ACVR1B: variants seen among roughly 807,000 people sequenced by gnomAD.
ACVR1B encodes the protein activin A receptor type 1B, also known as activin receptor type-1B.
A neutral mutation model predicts 55.6 loss-of-function variants in ACVR1B; 15 were observed. The ratio of observed to expected loss-of-function variants is 0.27; its 90% CI spans 0.18 to 0.42. The LOEUF (loss-of-function observed/expected upper bound fraction) is 0.42. ACVR1B is among the 10% of genes least tolerant of loss of function. The pLI is 1.00. For synonymous variants in ACVR1B, 247 were observed against 254.6 expected (o/e 0.97, Z 0.28); for missense variants, 359 against 670.1 (o/e 0.54, Z 5.13).
chr12:51,995,100 G>T lies in ACVR1B; in HGVS notation c.*990G>T, dbSNP rs1942275868. 1 of 153,220 alleles carries T rather than the reference G, an allele frequency of 6.5e-6. No homozygotes were observed. The highest frequency in any genetic ancestry group is 6.5e-5 in the Admixed American group (1 of 15,294). The allele number at this position is 153,220 out of a possible 1,614,324, so 9.5% of individuals were successfully genotyped here. A position where few individuals can be genotyped will look rare whatever the true frequency, so the allele number is the denominator to read the frequency against. On this transcript the variant is annotated 3_prime_UTR_variant, in exon 9 of 9. Transcript: ENST00000257963. ...CCTGGTGGAAGTCTTGGGTGTTAGTGTCAGCCATGGGAAATGAGCCAGCCC... is the reference window on the plus strand; with the variant it reads ...CCTGGTGGAAGTCTTGGGTGTTAGTTTCAGCCATGGGAAATGAGCCAGCCC...
chr12:51,991,407 A>G (rs1332971407), intron 7 of ACVR1B, among the ~76,000 whole-genome samples: 1 of 151,406 alleles, frequency 6.6e-6, no homozygotes, highest in African/African-American at 2.4e-5. Context: ...CTTTTTGTTT[A>G]GTTGTTTTGT....
rs1296363750 is a variant in ACVR1B, at chr12:51,994,185, G to C, written c.*75G>C. ...CTGCCGCGTTGAGCGTACGATGGAGGCCTACCTCTCGTTTCTGCCCAGCCC... is the reference window on the plus strand; with the variant it reads ...CTGCCGCGTTGAGCGTACGATGGAGCCCTACCTCTCGTTTCTGCCCAGCCC... On this transcript the variant is annotated 3_prime_UTR_variant, in exon 9 of 9. Coordinates refer to ENST00000257963, the MANE Select transcript of ACVR1B (RefSeq NM_004302.5). This position sits in a 1 kb window ranked among gnomAD's most constrained non-coding sequence, Gnocchi z 4.2. The C allele has an allele frequency of 6.4e-7, 1 of 1,571,452 alleles. No homozygotes were observed. Among genetic ancestry groups the C allele is most frequent in the Non-Finnish European group, 8.6e-7 (1 of 1,162,138 alleles).
At chr12:51,980,145 GCCTTA>G (rs1941948526) in intron 3 of ACVR1B, among the ~76,000 whole-genome samples, 1 of 152,078 alleles carries the variant, frequency 6.6e-6, no homozygotes, top group African/African-American at 2.4e-5. Flanking sequence ...TGATAACAGC[GCCTTA>G]CCTTCCAGGT....
At chr12:51,988,454 G>A (rs769770267) in intron 7 of ACVR1B, among the ~76,000 whole-genome samples, 8 of 152,200 alleles carry the variant, frequency 5.3e-5, no homozygotes, top group Non-Finnish European at 1.2e-4. Context: ...GCGACAGAGC[G>A]AGACTCCATC....
intron 1 of ACVR1B, among the ~76,000 whole-genome samples, chr12:51,972,360 A>G (rs893549202): frequency 6.6e-6 from 1 of 152,232 alleles, no homozygotes; most frequent in Non-Finnish European, 1.5e-5. Context: ...TGGTAGTCCC[A>G]TAAGATTATA....
At position 51,995,232 on chromosome 12, in the gene ACVR1B, A is replaced by G. The variant is rs1180146695; in HGVS notation, c.*1122A>G. ...CTGTCTTTCATCTCCCAGATCCTGG[A>G]AACAGCAGTGTATATTTTTGGTGGT... On this transcript the variant is annotated 3_prime_UTR_variant, in exon 9 of 9. Coordinates refer to ENST00000257963, the MANE Select transcript of ACVR1B (RefSeq NM_004302.5). 1 of 152,102 alleles carries G rather than the reference A, an allele frequency of 6.6e-6. No individual in the cohort carries two copies. Among genetic ancestry groups the G allele is most frequent in the Non-Finnish European group, 1.5e-5 (1 of 67,974 alleles). 9.4% of individuals were successfully genotyped at this position (152,102 alleles called of 1,614,324 possible).
chr12:51,965,126 T>C (rs1941615481), intron 1 of ACVR1B, among the ~76,000 whole-genome samples: 1 of 152,196 alleles, frequency 6.6e-6, no homozygotes, highest in Non-Finnish European at 1.5e-5. Flanking sequence ...GTTCTCAGTT[T>C]TTCAGTATCA....
At chr12:51,957,959 T>C (rs114284225) in intron 1 of ACVR1B, among the ~76,000 whole-genome samples, 2,964 of 152,258 alleles carry the variant, frequency 0.019, 102 homozygotes, top group African/African-American at 0.068. Flanking sequence ...AAGGATAACT[T>C]GTTTACAGTA....
At chr12:51,952,305 T>G (rs776625373) in intron 1 of ACVR1B, among the ~76,000 whole-genome samples, 11 of 152,128 alleles carry the variant, frequency 7.2e-5, no homozygotes, top group Non-Finnish European at 1.5e-4. Context: ...GGGAACCTGA[T>G]GTTGAGAGTC....
chr12:51,978,395 A>G (rs1941909557), intron 3 of ACVR1B, among the ~76,000 whole-genome samples: 1 of 152,218 alleles, frequency 6.6e-6, no homozygotes, highest in Admixed American at 6.5e-5. Context: ...CATTCAGAAT[A>G]TGCAGAGCTT....
At chr12:51,968,379 T>C (rs1941681465) in intron 1 of ACVR1B, among the ~76,000 whole-genome samples, 1 of 152,274 alleles carries the variant, frequency 6.6e-6, no homozygotes, top group African/African-American at 2.4e-5. Flanking sequence ...AATAGTTGGC[T>C]TGTAATAAAT....
At chr12:51,989,837 T>A (rs1480157108) in intron 7 of ACVR1B, among the ~76,000 whole-genome samples, 1 of 151,596 alleles carries the variant, frequency 6.6e-6, no homozygotes, top group Non-Finnish European at 1.5e-5. Flanking sequence ...TACAAAAAAA[T>A]TGCCAGGTAT....
intron 1 of ACVR1B, among the ~76,000 whole-genome samples, chr12:51,970,718 G>A (rs780810656): frequency 6.6e-6 from 1 of 152,246 alleles, no homozygotes; most frequent in East Asian, 1.9e-4. Context: ...GTGCTGAGAA[G>A]CAGTTTATGA....
chr12:51,982,765 A>G (rs1942005029), intron 4 of ACVR1B: 6 of 1,533,204 alleles, frequency 3.9e-6, no homozygotes, highest in Admixed American at 2.0e-5. Flanking sequence ...TTAGACTCCA[A>G]TACAAGGGAG....
intron 3 of ACVR1B, among the ~76,000 whole-genome samples, chr12:51,977,222 T>C (rs1941876894): frequency 6.6e-6 from 1 of 152,206 alleles, no homozygotes; most frequent in African/African-American, 2.4e-5. Context: ...CTCGGGGTTG[T>C]TTAGGTCTCA....
intron 1 of ACVR1B, among the ~76,000 whole-genome samples, chr12:51,974,225 C>G (rs1258376307): frequency 3.3e-5 from 5 of 152,144 alleles, no homozygotes; most frequent in African/African-American, 7.2e-5. Flanking sequence ...CCTCAGTGTT[C>G]TAGTGGGCAA....
At position 51,951,713 on chromosome 12, in the gene ACVR1B, T is replaced by TGCGGCG. The variant is rs10540557; in HGVS notation, c.-14_-9dup. The TGCGGCG allele has an allele frequency of 1.1e-4, 122 of 1,116,622 alleles. No homozygotes were observed. Among genetic ancestry groups the TGCGGCG allele is most frequent in the South Asian group, 9.5e-4 (22 of 23,250 alleles). 69.2% of individuals were successfully genotyped at this position (1,116,622 alleles called of 1,614,324 possible). A position where few individuals can be genotyped will look rare whatever the true frequency, so the allele number is the denominator to read the frequency against. On this transcript the variant is annotated 5_prime_UTR_variant, in exon 1 of 9. Transcript: ENST00000257963. ...GCGCGCGCGCTGGGCGCTGCTGGGC[T>TGCGGCG]GCGGCGGCGGCGGCGGCGGCGGTGG... is the stretch of plus-strand genomic sequence containing the variant.
intron 1 of ACVR1B, among the ~76,000 whole-genome samples, chr12:51,965,776 ACG>A (rs765171788): frequency 2.0e-5 from 3 of 152,240 alleles, no homozygotes; most frequent in Non-Finnish European, 4.4e-5. Flanking sequence ...TTATCCAAAC[ACG>A]AACAAGAGAG....
intron 7 of ACVR1B, chr12:51,987,335 T>C (rs74093025): frequency 1.9e-6 from 1 of 519,392 alleles, no homozygotes; most frequent in African/African-American, 1.9e-5. Context: ...GAAACCCTGC[T>C]GTTTCATTGT....
Sources: gnomAD v4.1 joint callset for allele counts (sites outside exome capture counted in the v4.1 genomes callset) on GRCh38, gnomAD v4.1.1 for gene constraint, Gnocchi (gnomAD v3.1) non-coding constraint, MANE v1.5 for transcripts, NCBI Gene and HGNC (gene_info 2026-07-23, HGNC 2026-07-21) for gene names.